TSPOAP1: variants seen among roughly 807,000 people sequenced by gnomAD.
The protein encoded by TSPOAP1 is TSPO associated protein 1.
TSPOAP1 carries 87 observed loss-of-function variants against 197.0 expected under a neutral mutation model. That is an observed-to-expected ratio of 0.44 (90% CI 0.37 to 0.53). The LOEUF is 0.53. TSPOAP1 is among the 20% of genes least tolerant of loss of function. The pLI is 0.00. For synonymous variants in TSPOAP1, 913 were observed against 998.9 expected (o/e 0.91, Z 1.62); for missense variants, 2,174 against 2,411.3 (o/e 0.90, Z 2.06).
chr17:58,325,032 G>C, intron 4 of TSPOAP1, 30 bp from the exon 5 acceptor site: 1 of 1,493,646 alleles, frequency 6.7e-7, no homozygotes, highest in Non-Finnish European at 8.9e-7. Flanking sequence ...ACAGGGAGGG[G>C]ACTCAGGCCT....
rs375215370 is a variant in TSPOAP1 at position 58,323,445 on chromosome 17, C to T, written c.1020+23G>A. 143 of 1,614,242 alleles carry T rather than the reference C, an allele frequency of 8.9e-5. No individual in the cohort carries two copies. In the African/African-American group the frequency reaches 1.4e-3, roughly 16 times the overall value. On this transcript the variant is annotated intron_variant, in intron 6 of 31. Coordinates refer to ENST00000343736, the MANE Select transcript of TSPOAP1 (RefSeq NM_004758.4). ...TACATCTGCCCACAGCAGGCTGCCTCCAGCCCTTGACCTAGGACTTACCAG... is the reference window on the plus strand; with the variant it reads ...TACATCTGCCCACAGCAGGCTGCCTTCAGCCCTTGACCTAGGACTTACCAG...
intron 26 of TSPOAP1, among the ~76,000 whole-genome samples, chr17:58,306,077 G>A (rs1371290620): frequency 6.6e-6 from 1 of 152,218 alleles, no homozygotes; most frequent in South Asian, 2.1e-4. Context: ...ATAGTCAGGT[G>A]CCTGTGGGAA....
In TSPOAP1 at chr17:58,327,772, A is replaced by G. The variant is rs1971695922; in HGVS notation, c.149T>C (p.Leu50Pro). 1 of 1,614,184 alleles carries G rather than the reference A, an allele frequency of 6.2e-7. No homozygotes were observed. Among genetic ancestry groups the G allele is most frequent in the Non-Finnish European group, 8.5e-7 (1 of 1,180,038 alleles). ...CTCAGACCTCAGTTCTTGAAGCTGCAGAGCTGCCGGAGGAGTATCAGCGAT... is the reference window on the plus strand; with the variant it reads ...CTCAGACCTCAGTTCTTGAAGCTGCGGAGCTGCCGGAGGAGTATCAGCGAT... ...PSIADTPPAA[L>P]QLQELRSEES... The change falls in exon 1 of 32, where the codon CTG becomes CCG. Residue 50 changes from leucine to proline, a missense_variant. By Grantham distance (98) the Leu-to-Pro change is moderately conservative. Coordinates refer to ENST00000343736, the MANE Select transcript of TSPOAP1 (RefSeq NM_004758.4).
At chr17:58,307,516 C>G in intron 24 of TSPOAP1, 95 bp downstream of exon 24, 1 of 1,475,372 alleles carries the variant, frequency 6.8e-7, no homozygotes, top group Non-Finnish European at 9.2e-7. Flanking sequence ...ATGTTCTCCA[C>G]CATGATTCTG....
At position 58,323,512 on chromosome 17, in the gene TSPOAP1, C is replaced by T. The variant is rs375980687; in HGVS notation, c.976G>A (p.Val326Met). 141 of 1,614,160 alleles carry T rather than the reference C, an allele frequency of 8.7e-5. No homozygotes were observed. The highest frequency in any genetic ancestry group is 1.6e-4 in the African/African-American group (12 of 75,062). Residue 326 changes from valine (V) to methionine (M), a missense_variant, in exon 6 of 32, where the codon GTG (valine) becomes ATG (methionine). Coordinates refer to ENST00000343736, the MANE Select transcript of TSPOAP1 (RefSeq NM_004758.4). ...TCTTTCTCTGGCTCCCCTAGAATCACGGGTAGGTTGTCCGCATCCTCCTGG... is the reference window on the plus strand; with the variant it reads ...TCTTTCTCTGGCTCCCCTAGAATCATGGGTAGGTTGTCCGCATCCTCCTGG... ...TPQEDADNLPVILGEPEKEQR... is the reference protein window; with the variant it reads ...TPQEDADNLPMILGEPEKEQR...
Position 58,322,849 on chromosome 17 carries a change from T to C in TSPOAP1, c.1195-73A>G. On this transcript the variant is annotated intron_variant, in intron 8 of 31. Coordinates refer to ENST00000343736, the MANE Select transcript of TSPOAP1 (RefSeq NM_004758.4). The surrounding 1 kb of genome is among the most constrained non-coding windows in gnomAD (Gnocchi z 5.0). ...ACCAGCACCCTCACAGGGGGAACAG[T>C]ACCCTACCCCTGCTCAGGGGTGGAG... The C allele has an allele frequency of 6.2e-7, 1 of 1,606,012 alleles. No homozygotes were observed. The highest frequency in any genetic ancestry group is 1.1e-5 in the South Asian group (1 of 90,498).
At position 58,325,619 on chromosome 17, in the gene TSPOAP1, C is replaced by T. The variant is rs1433322041; in HGVS notation, c.665G>A (p.Ser222Asn). The change falls in exon 4 of 32, where the codon AGT becomes AAT. Residue 222 changes from serine to asparagine, a missense_variant. Transcript: ENST00000343736. Reference protein sequence around the residue: ...QRARDLSETASALLAKDKQIA... With the variant: ...QRARDLSETANALLAKDKQIA... ...CTGCTTGTCCTTGGCCAGCAGTGCA[C>T]TGGCTGTCTCACTGAGGTCCCGGGC... The T allele has an allele frequency of 6.2e-7, 1 of 1,613,562 alleles. No individual in the cohort carries two copies. The highest frequency in any genetic ancestry group is 8.5e-7 in the Non-Finnish European group (1 of 1,180,022).
At chr17:58,315,114 C>A (rs1002413422) in intron 16 of TSPOAP1, among the ~76,000 whole-genome samples, 2 of 152,046 alleles carry the variant, frequency 1.3e-5, no homozygotes, top group Non-Finnish European at 2.9e-5. Flanking sequence ...TTCCTGAAAG[C>A]TTTTTAATTC....
In TSPOAP1 at chr17:58,302,076, C is replaced by G; in HGVS notation, c.*404G>C. The stretch of plus-strand genomic sequence containing the variant: ...CCCCTCCTGTAGGAGGAAGGTGCTT[C>G]TCTAGAGAGTTCATCCTTAAGGAGC... On this transcript the variant is annotated 3_prime_UTR_variant, in exon 32 of 32. Coordinates refer to ENST00000343736, the MANE Select transcript of TSPOAP1 (RefSeq NM_004758.4). 2 of 409,774 alleles carry G rather than the reference C, an allele frequency of 4.9e-6. No individual in the cohort carries two copies. Among genetic ancestry groups the G allele is most frequent in the Non-Finnish European group, 8.5e-6 (2 of 235,402 alleles). The allele number at this position is 409,774 out of a possible 1,614,324, so 25.4% of individuals were successfully genotyped here. A position where few individuals can be genotyped will look rare whatever the true frequency, so the allele number is the denominator to read the frequency against.
intron 16 of TSPOAP1, 63 bp from the exon 17 acceptor site, chr17:58,312,785 CG>C: frequency 7.2e-7 from 1 of 1,394,076 alleles, no homozygotes; most frequent in East Asian, 2.4e-5. Flanking sequence ...AAAGAAAAAA[CG>C]GTATAATAAA....
rs182844098 is a variant in TSPOAP1, at chr17:58,322,637, C to G, written c.1317+17G>C. 4.4e-6 allele frequency: 7 copies of G among 1,607,456 alleles called. No individual in the cohort carries two copies. Among genetic ancestry groups the G allele is most frequent in the Non-Finnish European group, 5.1e-6 (6 of 1,179,932 alleles). On this transcript the variant is annotated intron_variant, in intron 9 of 31. Transcript: ENST00000343736. This position sits in a 1 kb window ranked among gnomAD's most constrained non-coding sequence, Gnocchi z 5.0. The stretch of plus-strand genomic sequence containing the variant: ...GCCAGGGCCCAGCACCCTCTCCCAC[C>G]TGCACCATCTCCTCACCTTCAGCAC...
At chr17:58,314,884 C>T (rs1002382208) in intron 16 of TSPOAP1, among the ~76,000 whole-genome samples, 14 of 152,242 alleles carry the variant, frequency 9.2e-5, no homozygotes, top group Admixed American at 3.3e-4. Flanking sequence ...CAGACATAGA[C>T]GAAGCAGTCC....
chr17:58,310,066 C>A lies in TSPOAP1; in HGVS notation c.3792G>T (p.Glu1264Asp). The A allele has an allele frequency of 6.2e-7, 1 of 1,613,504 alleles. No individual in the cohort carries two copies. Reference protein sequence around the residue: ...NSDLSDIQEEEEEEEEEEEEE... With the variant: ...NSDLSDIQEEDEEEEEEEEEE... ...CTTCCTCCTCCTCCTCCTCCTCTTC[C>A]TCTTCCTCCTGGATGTCTGACAGGT... Residue 1264 changes from glutamate to aspartate, a missense_variant, in exon 21 of 32, where the codon GAG (glutamate) becomes GAT (aspartate). Transcript: ENST00000343736.
In TSPOAP1 at chr17:58,324,160, C is replaced by T. The variant is rs571719456; in HGVS notation, c.943-615G>A. Among the ~76,000 whole-genome samples the T allele has an allele frequency of 6.6e-6, 1 of 152,238 alleles. No homozygotes were observed. Among genetic ancestry groups the T allele is most frequent in the Non-Finnish European group, 1.5e-5 (1 of 68,036 alleles). On this transcript the variant is annotated intron_variant, in intron 5 of 31. Coordinates refer to ENST00000343736, the MANE Select transcript of TSPOAP1 (RefSeq NM_004758.4). This position sits in a 1 kb window ranked among gnomAD's most constrained non-coding sequence, Gnocchi z 5.8. ...AAAATCTGAGCAAGAAGCCTCCCCC[C>T]ACCCGGAGGTCTTGGTCACTATCAG...
rs754367769 is a variant in TSPOAP1 at position 58,311,573 on chromosome 17, T to G, written c.3079A>C (p.Lys1027Gln). ...TGYAIYADGQKIMEVASPTAG... is the reference protein window; with the variant it reads ...TGYAIYADGQQIMEVASPTAG... ...GGGTACAGTGGGCAGGGCTATACCT[T>G]CTGCCCATCAGCGTAGATGGCATAG... Residue 1027 changes from lysine to glutamine, a missense_variant and splice_region_variant, in exon 18 of 32, where the codon AAG becomes CAG. By Grantham distance (53) the Lys-to-Gln change is moderately conservative. Coordinates refer to ENST00000343736, the MANE Select transcript of TSPOAP1 (RefSeq NM_004758.4). The G allele has an allele frequency of 3.3e-5, 52 of 1,573,144 alleles. No individual in the cohort carries two copies. Among genetic ancestry groups the G allele is most frequent in the Admixed American group, 5.3e-5 (3 of 56,712 alleles).
Position 58,308,020 on chromosome 17 carries a change from T to C in TSPOAP1, c.4732-79A>G, listed in dbSNP as rs1006285434. The C allele has an allele frequency of 1.7e-5, 24 of 1,380,790 alleles. 1 individual carries two copies. In the Admixed American group the frequency reaches 4.9e-4, roughly 28 times the overall value. The allele number at this position is 1,380,790 out of a possible 1,614,324, so 85.5% of individuals were successfully genotyped here. ...CTCGTGCTCCCCCAGCTCTGCCCCA[T>C]CAGCGTAAGCAGCACAGCAGCGCAG... is the stretch of plus-strand genomic sequence containing the variant. On this transcript the variant is annotated intron_variant, in intron 22 of 31. Transcript: ENST00000343736.
intron 1 of TSPOAP1, among the ~76,000 whole-genome samples, chr17:58,327,003 A>G (rs1971637378): frequency 6.6e-6 from 1 of 151,892 alleles, no homozygotes; most frequent in East Asian, 1.9e-4. Flanking sequence ...CAAACCTGGC[A>G]CCCTCCTGCT....
Position 58,309,928 on chromosome 17 carries a change from TG to T in TSPOAP1, c.3891+38del. 6.4e-7 allele frequency: 1 copy of T among 1,570,824 alleles called. No individual in the cohort carries two copies. The highest frequency in any genetic ancestry group is 1.3e-5 in the African/African-American group (1 of 74,232). On this transcript the variant is annotated intron_variant, in intron 21 of 31. Transcript: ENST00000343736. The surrounding 1 kb of genome is among the most constrained non-coding windows in gnomAD (Gnocchi z 5.0). The stretch of plus-strand genomic sequence containing the variant: ...CACACAGTGGGGAGGCCCCGGAGTT[TG>T]AGGCCTGGGGCCCAACAGCCCATCC...
At chr17:58,320,482 G>A (rs375988505) in intron 11 of TSPOAP1, 49 bp downstream of exon 11, 18 of 1,475,658 alleles carry the variant, frequency 1.2e-5, no homozygotes, top group Non-Finnish European at 1.4e-5. Context: ...GAGGACCCCC[G>A]CCTTCCTCCC....
Sources: allele counts gnomAD v4.1 joint callset (sites outside exome capture counted in the v4.1 genomes callset), GRCh38; gene constraint gnomAD v4.1.1; non-coding constraint Gnocchi (gnomAD v3.1); transcripts MANE v1.5; gene names NCBI Gene and HGNC (gene_info 2026-07-23, HGNC 2026-07-21).